EDIL3: variants seen among roughly 807,000 people sequenced by gnomAD.
EDIL3 encodes the protein EGF like and discoidin domains 3.
A neutral mutation model predicts 67.4 loss-of-function variants in EDIL3; 37 were observed. The observed-to-expected ratio is 0.55, with a 90% CI of 0.42 to 0.72. The LOEUF (loss-of-function observed/expected upper bound fraction) is 0.72, where lower values mean the gene tolerates loss of function less well. EDIL3 is among the 30% of genes least tolerant of loss of function. The pLI, the probability that EDIL3 is intolerant of heterozygous loss-of-function variation, is 0.00. For synonymous variants in EDIL3, 195 were observed against 196.3 expected, an observed-to-expected ratio of 0.99 and a Z score of 0.05; for missense variants, 527 against 586.3, an observed-to-expected ratio of 0.90 and a Z score of 1.04.
intron 1 of EDIL3, among the ~76,000 whole-genome samples, chr5:84,295,629 A>G (rs1029629993): frequency 2.6e-5 from 4 of 152,098 alleles, no homozygotes; most frequent in Non-Finnish European, 4.4e-5. Flanking sequence ...CAGAGTAATA[A>G]TATATAATAT....
At chr5:83,988,779 G>C (rs1042843634) in intron 9 of EDIL3, among the ~76,000 whole-genome samples, 1 of 152,076 alleles carries the variant, frequency 6.6e-6, no homozygotes, top group African/African-American at 2.4e-5. Flanking sequence ...AAACATGTTT[G>C]TTCCTAAAGA....
intron 4 of EDIL3, among the ~76,000 whole-genome samples, chr5:84,163,624 A>C (rs1329355674): frequency 1.3e-5 from 2 of 152,130 alleles, no homozygotes; most frequent in Non-Finnish European, 2.9e-5. Context: ...TTAAGATCAA[A>C]ATCAGCCATG....
rs1242473930 is a variant in EDIL3, at chr5:84,060,167, A to G, written c.1137+133T>C. 6.4e-6 allele frequency: 7 copies of G among 1,096,818 alleles called. No individual in the cohort carries two copies. In the African/African-American group the frequency reaches 1.1e-4, roughly 17 times the overall value. The allele number at this position is 1,096,818 out of a possible 1,614,324, so 67.9% of individuals were successfully genotyped here. The stretch of plus-strand genomic sequence containing the variant: ...TTTCATAAGGAATTTGTGTTTTACC[A>G]ATTTAGTTAAACCGAAGATGAAGGC... On this transcript the variant is annotated intron_variant, in intron 9 of 10. Coordinates refer to ENST00000296591, the MANE Select transcript of EDIL3 (RefSeq NM_005711.5).
At chr5:84,163,800 T>C (rs1748656009) in intron 4 of EDIL3, among the ~76,000 whole-genome samples, 1 of 152,146 alleles carries the variant, frequency 6.6e-6, no homozygotes, top group South Asian at 2.1e-4. Flanking sequence ...ATGAAGATAC[T>C]GAGAATGATT....
chr5:83,945,998 T>G (rs1464121605), intron 10 of EDIL3, among the ~76,000 whole-genome samples: 1 of 151,950 alleles, frequency 6.6e-6, no homozygotes, highest in Non-Finnish European at 1.5e-5. Context: ...CATGTGCTGT[T>G]TTCTTATCTC....
intron 3 of EDIL3, among the ~76,000 whole-genome samples, chr5:84,221,392 G>C (rs976579760): frequency 6.6e-6 from 1 of 151,944 alleles, no homozygotes; most frequent in Non-Finnish European, 1.5e-5. Context: ...AGAAAGATGA[G>C]TATACAATTT....
chr5:84,351,195 T>C (rs377222554), intron 1 of EDIL3, among the ~76,000 whole-genome samples: 42 of 152,286 alleles, frequency 2.8e-4, no homozygotes, highest in African/African-American at 9.4e-4. Context: ...AACTGTATGC[T>C]CTTATTAGTG....
chr5:84,363,151 C>T (rs1033514357), intron 1 of EDIL3, among the ~76,000 whole-genome samples: 1 of 151,870 alleles, frequency 6.6e-6, no homozygotes, highest in Non-Finnish European at 1.5e-5. Flanking sequence ...TCAATAATGT[C>T]ATTGCATTTT....
chr5:83,959,432 A>T (rs911832818), intron 10 of EDIL3, among the ~76,000 whole-genome samples: 1 of 150,920 alleles, frequency 6.6e-6, no homozygotes, highest in Non-Finnish European at 1.5e-5. Context: ...CCCTCCAAAA[A>T]TCTATTAAAG....
At chr5:84,320,147 T>C (rs1746606012) in intron 1 of EDIL3, among the ~76,000 whole-genome samples, 1 of 151,878 alleles carries the variant, frequency 6.6e-6, no homozygotes, top group Non-Finnish European at 1.5e-5. Context: ...ACTTAAAGTA[T>C]AATAATAAAA....
intron 1 of EDIL3, among the ~76,000 whole-genome samples, chr5:84,358,134 A>G (rs1747526036): frequency 6.6e-6 from 1 of 152,176 alleles, no homozygotes; most frequent in African/African-American, 2.4e-5. Context: ...TTGTAGGTTT[A>G]GAGGGTCAGC....
At chr5:83,954,658 T>C (rs1209412422) in intron 10 of EDIL3, among the ~76,000 whole-genome samples, 1 of 151,716 alleles carries the variant, frequency 6.6e-6, no homozygotes, top group Non-Finnish European at 1.5e-5. Context: ...CTTTATAAAT[T>C]ACCCAGTCTT....
At chr5:84,158,987 A>G (rs1486446502) in intron 4 of EDIL3, among the ~76,000 whole-genome samples, 1 of 152,052 alleles carries the variant, frequency 6.6e-6, no homozygotes, top group Non-Finnish European at 1.5e-5. Context: ...CCATAAAACT[A>G]TTCCCTGTGG....
chr5:84,384,264 C>T, intron 1 of EDIL3, 44 bp downstream of exon 1: 1 of 1,599,348 alleles, frequency 6.3e-7, no homozygotes, highest in Non-Finnish European at 8.5e-7. Flanking sequence ...TCAGGGGACT[C>T]CCAGCCCATC....
chr5:84,103,670 C>G (rs1286905115), intron 6 of EDIL3, among the ~76,000 whole-genome samples: 1 of 151,948 alleles, frequency 6.6e-6, no homozygotes, highest in Non-Finnish European at 1.5e-5. Context: ...CAATTAGATA[C>G]CATCTTACAA....
Position 84,357,628 on chromosome 5 carries a change from C to G in EDIL3, c.67+26680G>C, listed in dbSNP as rs576586181. Reference sequence around the variant, plus strand: ...CGAGGGCTGGGTGCAGTGGCTCACGCCTGTAATCCCAGCACGTGGGAAGGC... The same window carrying G: ...CGAGGGCTGGGTGCAGTGGCTCACGGCTGTAATCCCAGCACGTGGGAAGGC... On this transcript the variant is annotated intron_variant, in intron 1 of 10. Coordinates refer to ENST00000296591, the MANE Select transcript of EDIL3 (RefSeq NM_005711.5). 6.6e-5 allele frequency among the ~76,000 whole-genome samples: 10 copies of G among 152,224 alleles called. No homozygotes were observed. The East Asian group carries it at 1.9e-3, about 29-fold the overall frequency.
chr5:84,156,391 C>G (rs1748491831), intron 4 of EDIL3, among the ~76,000 whole-genome samples: 1 of 152,144 alleles, frequency 6.6e-6, no homozygotes, highest in African/African-American at 2.4e-5. Context: ...TTTTCCAGAT[C>G]AGGGATGTAG....
chr5:84,031,651 C>A (rs898538693), intron 9 of EDIL3, among the ~76,000 whole-genome samples: 4 of 152,180 alleles, frequency 2.6e-5, no homozygotes, highest in Admixed American at 6.5e-5. Flanking sequence ...CATCTAGGAA[C>A]CACGAAGAGT....
chr5:84,266,986 T>G (rs2112091281), intron 1 of EDIL3, among the ~76,000 whole-genome samples: 1 of 152,354 alleles, frequency 6.6e-6, no homozygotes, highest in African/African-American at 2.4e-5. Context: ...GAAAATTCTC[T>G]GATGTGATAA....
Sources: allele counts gnomAD v4.1 joint callset (sites outside exome capture counted in the v4.1 genomes callset), GRCh38; gene constraint gnomAD v4.1.1; transcripts MANE v1.5; gene names NCBI Gene and HGNC (gene_info 2026-07-23, HGNC 2026-07-21).